DIP2C: variants seen among roughly 807,000 people sequenced by gnomAD.
DIP2C encodes disco-interacting protein 2 homolog C.
In DIP2C, 33 loss-of-function variants were observed where a neutral mutation model predicts 192.4. That is an observed-to-expected ratio of 0.17 (90% CI 0.13 to 0.23). The LOEUF (loss-of-function observed/expected upper bound fraction) is 0.23, where lower values mean the gene tolerates loss of function less well. Ranked by LOEUF, DIP2C falls within the 10% of genes least tolerant of loss-of-function variation. The probability of loss-of-function intolerance (pLI) is 1.00; values close to 1 mark genes in which losing one functional copy is unlikely to be tolerated. For synonymous variants in DIP2C, 979 were observed against 864.1 expected (o/e 1.13, Z -2.33); for missense variants, 1,537 against 2,110.1 (o/e 0.73, Z 5.32).
At chr10:581,410 T>TA (rs1382333614) in intron 1 of DIP2C, among the ~76,000 whole-genome samples, 1 of 152,230 alleles carries the variant, frequency 6.6e-6, no homozygotes, top group Non-Finnish European at 1.5e-5. Flanking sequence ...CAAGGGAATT[T>TA]ACTTAACATG....
intron 1 of DIP2C, among the ~76,000 whole-genome samples, chr10:678,880 G>A (rs796399868): frequency 0.016 from 20 of 1,218 alleles, 3 homozygotes; most frequent in Non-Finnish European, 0.11. Flanking sequence ...CATGCTCCCC[G>A]CACCCATCCT....
chr10:356,342 CAAAG>C lies in DIP2C; in HGVS notation c.2985+80_2985+83del, dbSNP rs773300786. On this transcript the variant is annotated intron_variant, in intron 24 of 36. Transcript: ENST00000280886. ...CCCATAAGACTGAAGCAAAAGGATT[CAAAG>C]AAAGAAGCAGGAGCGCTCCCAGGAA... The C allele has an allele frequency of 2.9e-5, 43 of 1,463,006 alleles. No individual in the cohort carries two copies. In the South Asian group the frequency reaches 3.2e-4, roughly 11 times the overall value. 90.6% of individuals were successfully genotyped at this position (1,463,006 alleles called of 1,614,324 possible).
At chr10:324,751 G>C in intron 31 of DIP2C, 1 of 353,622 alleles carries the variant, frequency 2.8e-6, no homozygotes, top group Admixed American at 3.5e-5. Context: ...CTCCCACGGC[G>C]CACATTCATT....
At chr10:447,953 C>G (rs1968428117) in intron 3 of DIP2C, among the ~76,000 whole-genome samples, 1 of 122,344 alleles carries the variant, frequency 8.2e-6, no homozygotes, top group Non-Finnish European at 1.6e-5. Flanking sequence ...AGTGGGGCAG[C>G]AGGACCCAAT....
intron 8 of DIP2C, 104 bp from the exon 9 acceptor site, chr10:409,121 T>A: frequency 8.5e-7 from 1 of 1,171,894 alleles, no homozygotes; most frequent in Non-Finnish European, 1.2e-6. Flanking sequence ...TTCCTGCGTA[T>A]CATGGTCTGC....
chr10:429,616 C>T (rs561842396), intron 4 of DIP2C, among the ~76,000 whole-genome samples: 50 of 150,082 alleles, frequency 3.3e-4, no homozygotes, highest in Admixed American at 6.7e-4. Flanking sequence ...TTTCCCAGGA[C>T]GTCACATAGC....
intron 3 of DIP2C, among the ~76,000 whole-genome samples, chr10:456,507 C>T (rs1424184223): frequency 1.3e-5 from 2 of 152,210 alleles, no homozygotes; most frequent in African/African-American, 2.4e-5. Context: ...GCACTCACAG[C>T]GGAGCTGCCT....
intron 1 of DIP2C, among the ~76,000 whole-genome samples, chr10:628,080 C>G (rs1854303074): frequency 6.6e-6 from 1 of 152,246 alleles, no homozygotes; most frequent in South Asian, 2.1e-4. Flanking sequence ...ACTCACCACT[C>G]TGAGGTAGCT....
At chr10:463,408 G>C (rs78136360) in intron 3 of DIP2C, among the ~76,000 whole-genome samples, 10 of 152,054 alleles carry the variant, frequency 6.6e-5, no homozygotes, top group African/African-American at 1.7e-4. Flanking sequence ...GCTACAAAGA[G>C]AATAAAATAC....
chr10:280,171 G>A (rs1475106281), intron 36 of DIP2C, among the ~76,000 whole-genome samples: 1 of 152,198 alleles, frequency 6.6e-6, no homozygotes, highest in Non-Finnish European at 1.5e-5. Flanking sequence ...GGACAGGTAT[G>A]CAGACTTGAT....
intron 1 of DIP2C, among the ~76,000 whole-genome samples, chr10:661,283 C>T (rs778781049): frequency 3.2e-4 from 48 of 152,198 alleles, no homozygotes; most frequent in Non-Finnish European, 6.2e-4. Flanking sequence ...TCCATGCCTG[C>T]CCCCTTTCTT....
chr10:570,782 C>T (rs1849745226), intron 1 of DIP2C, among the ~76,000 whole-genome samples: 1 of 152,216 alleles, frequency 6.6e-6, no homozygotes. Flanking sequence ...ATGAGGCAAC[C>T]GATTAACAGC....
chr10:566,231 A>G (rs1013719950), intron 1 of DIP2C, among the ~76,000 whole-genome samples: 1 of 152,076 alleles, frequency 6.6e-6, no homozygotes, highest in Admixed American at 6.6e-5. Flanking sequence ...TGTCTGAAGA[A>G]ACAATTTTTT....
intron 2 of DIP2C, among the ~76,000 whole-genome samples, chr10:485,961 G>A (rs1448901637): frequency 2.0e-5 from 3 of 152,182 alleles, no homozygotes; most frequent in East Asian, 3.8e-4. Flanking sequence ...ACGTAGAAAC[G>A]CTGGCGGGAA....
In DIP2C at chr10:356,427, C is replaced by T. The variant is rs1164700810; in HGVS notation, c.2984G>A (p.Arg995Gln). Residue 995 changes from arginine (R) to glutamine (Q), a missense_variant and splice_region_variant, in exon 24 of 37, where the codon CGG becomes CAG. Transcript: ENST00000280886. ...DHILYTLLNC[R>Q]GAIANSLTCV... ...GGGAAGGCCAGCTCCGCGCCTCACC[C>T]GACAGTTGAGCAGCGTGTAGAGGAT... 3.1e-6 allele frequency: 5 copies of T among 1,611,276 alleles called. No individual in the cohort carries two copies. The highest frequency in any genetic ancestry group is 2.5e-6 in the Non-Finnish European group (3 of 1,179,988).
intron 1 of DIP2C, among the ~76,000 whole-genome samples, chr10:513,936 T>C (rs1239286785): frequency 6.6e-6 from 1 of 152,222 alleles, no homozygotes; most frequent in East Asian, 1.9e-4. Flanking sequence ...CCAGGTTGTA[T>C]AGATCCAAAA....
rs1225046419 is a variant in DIP2C, at chr10:419,115, G to A, written c.689C>T (p.Ser230Phe). 1 of 1,614,154 alleles carries A rather than the reference G, an allele frequency of 6.2e-7. No homozygotes were observed. The highest frequency in any genetic ancestry group is 1.3e-5 in the African/African-American group (1 of 74,962). ...GTTGCCGTACTTGGGCGCTGTCCGGGACCCCGTGGAACCCTGCGGTCTCTC... is the reference window on the plus strand; with the variant it reads ...GTTGCCGTACTTGGGCGCTGTCCGGAACCCCGTGGAACCCTGCGGTCTCTC... ...QVERPQGSTGSRTAPKYGNAE... is the reference protein window; with the variant it reads ...QVERPQGSTGFRTAPKYGNAE... The change falls in exon 6 of 37, where the codon TCC becomes TTC. Residue 230 changes from serine (S) to phenylalanine (F), a missense_variant. Physicochemically the swap from Ser to Phe is radical, Grantham distance 155 (BLOSUM62 -2). Transcript: ENST00000280886.
At chr10:373,151 C>T (rs1477789682) in intron 17 of DIP2C, among the ~76,000 whole-genome samples, 4 of 152,210 alleles carry the variant, frequency 2.6e-5, no homozygotes, top group African/African-American at 9.6e-5. Context: ...TGAGTGCCCG[C>T]CCCTCCCTGG....
intron 4 of DIP2C, among the ~76,000 whole-genome samples, chr10:425,487 C>G (rs1004224505): frequency 1.5e-5 from 2 of 135,756 alleles, no homozygotes; most frequent in South Asian, 4.4e-4. Flanking sequence ...GAAATGGATA[C>G]AGCATGACCA....
Sources: gnomAD v4.1 joint callset for allele counts (sites outside exome capture counted in the v4.1 genomes callset) on GRCh38, gnomAD v4.1.1 for gene constraint, MANE v1.5 for transcripts, NCBI Gene and HGNC (gene_info 2026-07-23, HGNC 2026-07-21) for gene names.